TRPC6: variants seen among roughly 807,000 people sequenced by gnomAD.
The protein encoded by TRPC6 is short transient receptor potential channel 6.
A neutral mutation model predicts 90.7 loss-of-function variants in TRPC6; 55 were observed. The observed-to-expected ratio is 0.61, with a 90% confidence interval of 0.49 to 0.76. The LOEUF (loss-of-function observed/expected upper bound fraction) is 0.76. Among genes scored for constraint, TRPC6 ranks in the 30% least tolerant of loss-of-function variants. TRPC6 has a pLI of 0.00. For synonymous variants in TRPC6, 393 were observed against 393.0 expected (o/e 1.00, Z 0.00); for missense variants, 989 against 1,122.7 (o/e 0.88, Z 1.70).
chr11:101,529,904 T>C (rs571659558), intron 1 of TRPC6, among the ~76,000 whole-genome samples: 1 of 152,350 alleles, frequency 6.6e-6, no homozygotes, highest in African/African-American at 2.4e-5. Flanking sequence ...TTGCTGACTA[T>C]GGAGTAAGCC....
intron 1 of TRPC6, among the ~76,000 whole-genome samples, chr11:101,569,744 C>A (rs865860350): frequency 2.0e-5 from 3 of 152,120 alleles, no homozygotes; most frequent in Non-Finnish European, 4.4e-5. Flanking sequence ...TACATAGAAA[C>A]TGAACAACCT....
chr11:101,578,535 G>A (rs1862120704), intron 1 of TRPC6, among the ~76,000 whole-genome samples: 1 of 152,022 alleles, frequency 6.6e-6, no homozygotes, highest in Non-Finnish European at 1.5e-5. Flanking sequence ...TTCATAAATG[G>A]GGTTCAGGTC....
At chr11:101,557,971 G>A (rs997526016) in intron 1 of TRPC6, among the ~76,000 whole-genome samples, 1 of 152,010 alleles carries the variant, frequency 6.6e-6, no homozygotes, top group South Asian at 2.1e-4. Flanking sequence ...GTGATCTACA[G>A]ATTCAATGCA....
At chr11:101,575,765 C>A (rs1363388602) in intron 1 of TRPC6, among the ~76,000 whole-genome samples, 1 of 152,132 alleles carries the variant, frequency 6.6e-6, no homozygotes, top group Non-Finnish European at 1.5e-5. Flanking sequence ...GGGGGTTAAA[C>A]ATACTTATTA....
At chr11:101,560,928 C>T (rs1303038882) in intron 1 of TRPC6, among the ~76,000 whole-genome samples, 1 of 152,162 alleles carries the variant, frequency 6.6e-6, no homozygotes, top group South Asian at 2.1e-4. Context: ...TCAACCTGAA[C>T]TACCCACAAT....
intron 5 of TRPC6, among the ~76,000 whole-genome samples, chr11:101,480,827 G>A (rs891356554): frequency 6.6e-6 from 1 of 152,032 alleles, no homozygotes; most frequent in East Asian, 1.9e-4. Flanking sequence ...CAAGATAAAG[G>A]CCATGCACAA....
intron 1 of TRPC6, among the ~76,000 whole-genome samples, chr11:101,574,342 T>C (rs61918375): frequency 0.25 from 38,158 of 150,948 alleles, 6,304 homozygotes; most frequent in Non-Finnish European, 0.34. Context: ...TAATTGAGTA[T>C]AAAGAACTGT....
At chr11:101,571,000 G>A (rs1422116674) in intron 1 of TRPC6, among the ~76,000 whole-genome samples, 2 of 152,138 alleles carry the variant, frequency 1.3e-5, no homozygotes, top group Admixed American at 6.6e-5. Context: ...ATTCAACATA[G>A]TATTGGAAGT....
chr11:101,490,803 GC>G (rs1859788029), intron 3 of TRPC6, among the ~76,000 whole-genome samples: 1 of 152,148 alleles, frequency 6.6e-6, no homozygotes, highest in East Asian at 1.9e-4. Flanking sequence ...AGAGAATGGG[GC>G]CAGTGCTTGA....
At chr11:101,459,541 T>C (rs1858957290) in intron 10 of TRPC6, among the ~76,000 whole-genome samples, 1 of 152,220 alleles carries the variant, frequency 6.6e-6, no homozygotes, top group African/African-American at 2.4e-5. Context: ...TATTGAAAAG[T>C]GTAACTCTCA....
At chr11:101,469,269 C>T (rs1469187283) in intron 10 of TRPC6, among the ~76,000 whole-genome samples, 158 bp downstream of exon 10, 2 of 152,170 alleles carry the variant, frequency 1.3e-5, no homozygotes, top group Non-Finnish European at 2.9e-5. Context: ...CTTATTTCTA[C>T]CTCTCAATAA....
rs758940245 is a variant in TRPC6, at chr11:101,476,444, A to G, written c.1601T>C (p.Leu534Ser). The G allele has an allele frequency of 6.2e-7, 1 of 1,614,128 alleles. No individual in the cohort carries two copies. The highest frequency in any genetic ancestry group is 1.7e-5 in the Admixed American group (1 of 60,010). ...ELWNMLDFGM[L>S]AIFAASFIAR... ...AATGAATGATGCTGCGAAAATTGCT[A>G]ACATACCAAAATCAAGCATGTTCCA... is the stretch of plus-strand genomic sequence containing the variant. Residue 534 changes from leucine to serine, a missense_variant, in exon 6 of 13, where the codon TTA (leucine) becomes TCA (serine). By Grantham distance (145) the Leu-to-Ser change is moderately radical (BLOSUM62 -2). Coordinates refer to ENST00000344327, the MANE Select transcript of TRPC6 (RefSeq NM_004621.6).
intron 1 of TRPC6, among the ~76,000 whole-genome samples, chr11:101,564,605 T>C (rs1447996274): frequency 3.9e-5 from 6 of 152,098 alleles, no homozygotes; most frequent in Non-Finnish European, 7.4e-5. Flanking sequence ...TATTCCATGC[T>C]CATGGATTGG....
intron 10 of TRPC6, among the ~76,000 whole-genome samples, chr11:101,457,312 T>C (rs1184904704): frequency 6.6e-6 from 1 of 152,164 alleles, no homozygotes; most frequent in African/African-American, 2.4e-5. Flanking sequence ...CCACATTTTA[T>C]GCATTCTTTA....
intron 10 of TRPC6, among the ~76,000 whole-genome samples, chr11:101,463,043 CT>C (rs1796769384): frequency 6.6e-6 from 1 of 152,070 alleles, no homozygotes. Flanking sequence ...TGTTGAAGGC[CT>C]TTTCTGCATC....
intron 1 of TRPC6, among the ~76,000 whole-genome samples, chr11:101,569,392 G>C (rs1449559707): frequency 6.6e-6 from 1 of 152,096 alleles, no homozygotes; most frequent in Non-Finnish European, 1.5e-5. Context: ...CCTACAAAGA[G>C]ACTTAGACTT....
chr11:101,487,812 T>A (rs1339328210), intron 4 of TRPC6, among the ~76,000 whole-genome samples: 2 of 152,114 alleles, frequency 1.3e-5, no homozygotes, highest in African/African-American at 2.4e-5. Context: ...CATAAGAAAA[T>A]GTCCAGTTTC....
At chr11:101,495,840 G>A (rs971400216) in intron 2 of TRPC6, among the ~76,000 whole-genome samples, 6 of 152,070 alleles carry the variant, frequency 3.9e-5, no homozygotes, top group Non-Finnish European at 7.4e-5. Flanking sequence ...ATGGGAGTTT[G>A]TAAAATAAGA....
At chr11:101,494,717 A>G (rs1389488077) in intron 2 of TRPC6, among the ~76,000 whole-genome samples, 1 of 152,216 alleles carries the variant, frequency 6.6e-6, no homozygotes, top group Non-Finnish European at 1.5e-5. Flanking sequence ...ACCCACATGG[A>G]CTGAAAAAGT....
Sources: allele counts gnomAD v4.1 joint callset (sites outside exome capture counted in the v4.1 genomes callset), GRCh38; gene constraint gnomAD v4.1.1; transcripts MANE v1.5; gene names NCBI Gene and HGNC (gene_info 2026-07-23, HGNC 2026-07-21).